SDCBP2: variants seen among roughly 807,000 people sequenced by gnomAD.
The protein encoded by SDCBP2 is syntenin-2.
In SDCBP2, 28 loss-of-function variants were observed where a neutral mutation model predicts 30.7. The ratio of observed to expected loss-of-function variants is 0.91; its 90% CI spans 0.68 to 1.25. SDCBP2 has a LOEUF of 1.25. SDCBP2 is among the 50% of genes most tolerant of loss of function. SDCBP2 has a pLI of 0.00. For missense variants in SDCBP2, 399 were observed against 379.0 expected, an observed-to-expected ratio of 1.05 and a Z score of -0.44; for synonymous variants, 166 against 157.3, an observed-to-expected ratio of 1.06 and a Z score of -0.41.
chr20:1,311,134 T>TGCCTCTTCCCACCCTCAGCTTGAA, intron 7 of SDCBP2: 1 of 453,098 alleles, frequency 2.2e-6, no homozygotes, highest in South Asian at 4.1e-5. Flanking sequence ...CAAATGAGCA[T>TGCCTCTTCCCACCCTCAGCTTGAA]GCCTCTTCCC....
At chr20:1,310,952 G>T in intron 7 of SDCBP2, 61 bp from the exon 8 acceptor site, 2 of 1,259,750 alleles carry the variant, frequency 1.6e-6, no homozygotes, top group Admixed American at 3.7e-5. Flanking sequence ...AACTCTACAG[G>T]CCCCTCTGTG....
At chr20:1,310,569 G>A (rs955361629) in intron 8 of SDCBP2, 74 bp from the exon 9 acceptor site, 15 of 1,419,270 alleles carry the variant, frequency 1.1e-5, no homozygotes, top group East Asian at 7.1e-5. Context: ...ACCCCCTTCC[G>A]AGCCAGTGCA....
intron 1 of SDCBP2, among the ~76,000 whole-genome samples, chr20:1,326,608 C>G (rs1396438545): frequency 6.6e-6 from 1 of 152,218 alleles, no homozygotes; most frequent in Non-Finnish European, 1.5e-5. Flanking sequence ...CCCACCTGTA[C>G]GCATGGAGAT....
At chr20:1,326,931 G>A (rs566203394) in intron 1 of SDCBP2, among the ~76,000 whole-genome samples, 88 of 152,332 alleles carry the variant, frequency 5.8e-4, no homozygotes, top group African/African-American at 1.9e-3. Flanking sequence ...TTCTTCCCAT[G>A]CCTGTCTGTG....
At chr20:1,310,651 G>C (rs903490070) in intron 8 of SDCBP2, 149 bp downstream of exon 8, 18 of 996,108 alleles carry the variant, frequency 1.8e-5, no homozygotes, top group Non-Finnish European at 2.4e-5. Flanking sequence ...CTTGGAGGGA[G>C]GGGAAGGGAG....
Position 1,313,964 on chromosome 20 carries a change from C to T in SDCBP2, c.226-466G>A, listed in dbSNP as rs1395229354. On this transcript the variant is annotated intron_variant, in intron 4 of 8. Coordinates refer to ENST00000360779, the MANE Select transcript of SDCBP2 (RefSeq NM_080489.5). The surrounding 1 kb of genome is among the most constrained non-coding windows in gnomAD (Gnocchi z 5.2). ...TAAAGATGGTACTGGAAGACCTAGC[C>T]AGCACAGTAGGCAAGAAAAGAGGGG... is the stretch of plus-strand genomic sequence containing the variant. Among the ~76,000 whole-genome samples, 5 of 152,076 alleles carry T rather than the reference C, an allele frequency of 3.3e-5. No homozygotes were observed. Among genetic ancestry groups the T allele is most frequent in the Non-Finnish European group, 7.3e-5 (5 of 68,036 alleles).
intron 7 of SDCBP2, 106 bp from the exon 8 acceptor site, chr20:1,310,997 C>T: frequency 1.3e-6 from 1 of 768,782 alleles, no homozygotes; most frequent in Non-Finnish European, 2.1e-6. Context: ...GAGGACACCA[C>T]TGATGGCTGA....
In SDCBP2 at chr20:1,313,597, G is replaced by A; in HGVS notation, c.226-99C>T. The A allele has an allele frequency of 3.5e-6, 5 of 1,438,054 alleles. No individual in the cohort carries two copies. The highest frequency in any genetic ancestry group is 4.6e-6 in the Non-Finnish European group (5 of 1,096,880). 89.1% of individuals were successfully genotyped at this position (1,438,054 alleles called of 1,614,324 possible). A position where few individuals can be genotyped will look rare whatever the true frequency, so the allele number is the denominator to read the frequency against. On this transcript the variant is annotated intron_variant, in intron 4 of 8. Transcript: ENST00000360779. The surrounding 1 kb of genome is among the most constrained non-coding windows in gnomAD (Gnocchi z 5.2). ...GTAGGGATGGGGAAAGGAGGATGGA[G>A]CCGTCCCCGGGTCCCCCCACGTCCC... is the stretch of plus-strand genomic sequence containing the variant.
chr20:1,318,718 G>A (rs989360142), intron 3 of SDCBP2, among the ~76,000 whole-genome samples: 4 of 152,128 alleles, frequency 2.6e-5, no homozygotes, highest in Admixed American at 2.6e-4. Flanking sequence ...GGACTGGCAG[G>A]GTCCTAATCC....
rs532860765 is a variant in SDCBP2 at position 1,321,362 on chromosome 20, C to A, written c.-19-927G>T. ...GCACCTCCCTGAGTGACCACAGGCA[C>A]GCCGAGGACATACTCATCCATCACT... On this transcript the variant is annotated intron_variant, in intron 1 of 8. Transcript: ENST00000360779. The surrounding 1 kb of genome is among the most constrained non-coding windows in gnomAD (Gnocchi z 5.2). The A allele has an allele frequency of 7.0e-4, 106 of 152,448 alleles. No individual in the cohort carries two copies. Among genetic ancestry groups the A allele is most frequent in the Non-Finnish European group, 9.2e-4 (63 of 68,116 alleles). The allele number at this position is 152,448 out of a possible 1,614,324, so 9.4% of individuals were successfully genotyped here.
intron 1 of SDCBP2, among the ~76,000 whole-genome samples, chr20:1,327,514 T>C (rs1203653904): frequency 6.6e-6 from 1 of 152,200 alleles, no homozygotes; most frequent in East Asian, 1.9e-4. Context: ...GCCACCAGCA[T>C]GTACCCCCAC....
At position 1,310,442 on chromosome 20, in the gene SDCBP2, C is replaced by T. The variant is rs1184788394; in HGVS notation, c.878G>A (p.Ter293=). The part of the protein sequence containing the change: ...HTMDHSIPDA[*] The stretch of plus-strand genomic sequence containing the variant: ...TGCCTGCCCTGCCCTGCAGTGGCTT[C>T]AGGCATCTGGGATGGAGTGGTCCAT... Residue 293 remains the stop codon, a stop_retained_variant, in exon 9 of 9, where the codon TGA becomes TAA. Transcript: ENST00000360779. The T allele has an allele frequency of 6.2e-7, 1 of 1,613,292 alleles. No individual in the cohort carries two copies. Among genetic ancestry groups the T allele is most frequent in the African/African-American group, 1.3e-5 (1 of 74,930 alleles).
At chr20:1,317,111 A>G (rs1223443670) in intron 4 of SDCBP2, among the ~76,000 whole-genome samples, 1 of 152,178 alleles carries the variant, frequency 6.6e-6, no homozygotes, top group East Asian at 1.9e-4. Context: ...AGGCATAACT[A>G]TACAGAAGCA....
chr20:1,310,282 G>A lies in SDCBP2; in HGVS notation c.*159C>T. ...AGTCTGAGGCTCCAAGGAGGCCTGT[G>A]TGTATAAGCCATCCCATGGTCACCC... On this transcript the variant is annotated 3_prime_UTR_variant, in exon 9 of 9. Coordinates refer to ENST00000360779, the MANE Select transcript of SDCBP2 (RefSeq NM_080489.5). 1.5e-6 allele frequency: 1 copy of A among 661,778 alleles called. No homozygotes were observed. The highest frequency in any genetic ancestry group is 2.6e-6 in the Non-Finnish European group (1 of 382,186). The allele number at this position is 661,778 out of a possible 1,614,324, so 41.0% of individuals were successfully genotyped here.
intron 4 of SDCBP2, among the ~76,000 whole-genome samples, chr20:1,315,010 A>G (rs2088755239): frequency 6.6e-6 from 1 of 152,244 alleles, no homozygotes; most frequent in African/African-American, 2.4e-5. Context: ...GTTAGTCTAA[A>G]CTTTATATGA....
intron 7 of SDCBP2, 46 bp downstream of exon 7, chr20:1,312,291 C>A: frequency 6.3e-7 from 1 of 1,589,922 alleles, no homozygotes; most frequent in South Asian, 1.1e-5. Flanking sequence ...AGACCTGAGC[C>A]CTCCCACCAC....
chr20:1,325,589 G>A (rs1343566790), intron 1 of SDCBP2: 1 of 152,256 alleles, frequency 6.6e-6, no homozygotes, highest in Non-Finnish European at 1.5e-5. Context: ...CCTCTTTACC[G>A]GATTGGAGGC....
Position 1,320,258 on chromosome 20 carries a change from T to C in SDCBP2, c.54+105A>G, listed in dbSNP as rs2088834152. The C allele has an allele frequency of 9.8e-7, 1 of 1,021,240 alleles. No individual in the cohort carries two copies. Among genetic ancestry groups the C allele is most frequent in the Admixed American group, 2.1e-5 (1 of 48,082 alleles). The allele number at this position is 1,021,240 out of a possible 1,614,324, so 63.3% of individuals were successfully genotyped here. A position where few individuals can be genotyped will look rare whatever the true frequency, so the allele number is the denominator to read the frequency against. On this transcript the variant is annotated intron_variant, in intron 2 of 8. Transcript: ENST00000360779. The surrounding 1 kb of genome is among the most constrained non-coding windows in gnomAD (Gnocchi z 4.7). ...CCCTGCAGTGGACACCTACATGCCC[T>C]GAGGCCTACGGGAATCTCCAAGTGG...
At chr20:1,323,342 A>G (rs2088873182) in intron 1 of SDCBP2, 1 of 152,260 alleles carries the variant, frequency 6.6e-6, no homozygotes, top group Admixed American at 6.5e-5. Flanking sequence ...ATGACCTGCC[A>G]CCAGGACCAC....
Sources: gnomAD v4.1 joint callset for allele counts (sites outside exome capture counted in the v4.1 genomes callset) on GRCh38, gnomAD v4.1.1 for gene constraint, Gnocchi (gnomAD v3.1) non-coding constraint, MANE v1.5 for transcripts, NCBI Gene and HGNC (gene_info 2026-07-23, HGNC 2026-07-21) for gene names.